ULK4: variants seen among roughly 807,000 people sequenced by gnomAD.
ULK4 encodes inactive serine/threonine-protein kinase ULK4.
In ULK4, 133 loss-of-function variants were observed where a neutral mutation model predicts 160.6. The ratio of observed to expected loss-of-function variants is 0.83; its 90% CI spans 0.72 to 0.96. ULK4 has a LOEUF of 0.96. ULK4 is among the 40% of genes least tolerant of loss of function. ULK4 has a pLI of 0.00. For missense variants in ULK4, 1,580 were observed against 1,499.5 expected (o/e 1.05, Z -0.89); for synonymous variants, 534 against 539.8 (o/e 0.99, Z 0.15).
intron 2 of ULK4, among the ~76,000 whole-genome samples, chr3:41,942,172 AAT>A (rs1699979527): frequency 6.6e-6 from 1 of 152,204 alleles, no homozygotes; most frequent in Admixed American, 6.5e-5. Flanking sequence ...ACAGATGTGA[AAT>A]ACACACAGTA....
At chr3:41,698,220 C>T (rs1412688418) in intron 27 of ULK4, among the ~76,000 whole-genome samples, 1 of 152,174 alleles carries the variant, frequency 6.6e-6, no homozygotes, top group South Asian at 2.1e-4. Context: ...TTAAGCAAGG[C>T]ATGACTGTAT....
intron 32 of ULK4, among the ~76,000 whole-genome samples, chr3:41,529,211 A>C (rs2086219554): frequency 6.6e-6 from 1 of 152,180 alleles, no homozygotes; most frequent in Middle Eastern, 3.2e-3. Context: ...TTTTGGAGGG[A>C]GCATTCTTCC....
chr3:41,548,897 T>C (rs2086964809), intron 32 of ULK4, among the ~76,000 whole-genome samples: 1 of 152,054 alleles, frequency 6.6e-6, no homozygotes, highest in South Asian at 2.1e-4. Context: ...TTAACAACCA[T>C]ATCCTAAGCC....
intron 34 of ULK4, among the ~76,000 whole-genome samples, chr3:41,400,885 G>T (rs542592314): frequency 2.0e-5 from 3 of 152,274 alleles, no homozygotes; most frequent in African/African-American, 7.2e-5. Flanking sequence ...CTGCTAGATA[G>T]ATGGTGGTAT....
chr3:41,954,371 G>GT, intron 2 of ULK4, among the ~76,000 whole-genome samples: 1 of 148,492 alleles, frequency 6.7e-6, no homozygotes, highest in South Asian at 2.1e-4. Flanking sequence ...AAAAAAAAGA[G>GT]TATAGTTTCC....
At chr3:41,405,814 GTTT>G (rs34201902) in intron 34 of ULK4, among the ~76,000 whole-genome samples, 1 of 149,434 alleles carries the variant, frequency 6.7e-6, no homozygotes, top group African/African-American at 2.5e-5. Flanking sequence ...TTTTTAATGA[GTTT>G]TTTTTTTGTT....
chr3:41,776,273 T>G (rs1421646175), intron 21 of ULK4, among the ~76,000 whole-genome samples: 1 of 151,148 alleles, frequency 6.6e-6, no homozygotes, highest in African/African-American at 2.5e-5. Context: ...TATGCCCATT[T>G]TGTCTTAACT....
intron 32 of ULK4, among the ~76,000 whole-genome samples, chr3:41,531,709 G>T (rs1559373082): frequency 6.6e-6 from 1 of 152,038 alleles, no homozygotes; most frequent in Admixed American, 6.6e-5. Flanking sequence ...AACAAATATT[G>T]TTTAAGTAGT....
intron 32 of ULK4, among the ~76,000 whole-genome samples, chr3:41,488,335 G>T (rs1186026436): frequency 2.0e-5 from 3 of 152,112 alleles, no homozygotes; most frequent in Non-Finnish European, 4.4e-5. Context: ...GGAAAAAGTG[G>T]AGACGGTCCA....
intron 21 of ULK4, among the ~76,000 whole-genome samples, chr3:41,767,383 A>T (rs1272453987): frequency 1.3e-5 from 2 of 152,138 alleles, no homozygotes; most frequent in East Asian, 3.8e-4. Context: ...CTTTTTTAAT[A>T]AAAAAATCTA....
intron 32 of ULK4, among the ~76,000 whole-genome samples, chr3:41,485,550 G>C (rs1559639235): frequency 6.6e-6 from 1 of 152,144 alleles, no homozygotes; most frequent in Non-Finnish European, 1.5e-5. Flanking sequence ...CTATACAGCA[G>C]GGCATCTATT....
At chr3:41,462,456 C>T (rs1433696473) in intron 33 of ULK4, among the ~76,000 whole-genome samples, 1 of 152,146 alleles carries the variant, frequency 6.6e-6, no homozygotes, top group Non-Finnish European at 1.5e-5. Flanking sequence ...ATAAAACAGG[C>T]ATAGGAAAGT....
chr3:41,873,010 G>A (rs1395062952), intron 17 of ULK4, among the ~76,000 whole-genome samples: 1 of 152,002 alleles, frequency 6.6e-6, no homozygotes, highest in East Asian at 1.9e-4. Flanking sequence ...AAAATAAGCC[G>A]AGTATGGTGG....
intron 2 of ULK4, among the ~76,000 whole-genome samples, chr3:41,940,649 C>T (rs1699920003): frequency 6.6e-6 from 1 of 151,814 alleles, no homozygotes; most frequent in Non-Finnish European, 1.5e-5. Context: ...ACAGCAAGAC[C>T]CCACCTCCAA....
chr3:41,420,814 TAA>T (rs540329844), intron 34 of ULK4, among the ~76,000 whole-genome samples: 7 of 135,300 alleles, frequency 5.2e-5, no homozygotes, highest in Admixed American at 1.5e-4. Flanking sequence ...TCAGTATTAT[TAA>T]AAAAAAAAAA....
chr3:41,346,638 T>G (rs986949815), intron 35 of ULK4, among the ~76,000 whole-genome samples: 9 of 152,176 alleles, frequency 5.9e-5, no homozygotes, highest in Admixed American at 1.3e-4. Context: ...TAGTTTAATA[T>G]TTTCAAGTTT....
chr3:41,683,035 T>C (rs534275664), intron 27 of ULK4, among the ~76,000 whole-genome samples: 1 of 152,120 alleles, frequency 6.6e-6, no homozygotes, highest in East Asian at 1.9e-4. Context: ...TGAGACAGAG[T>C]AGGAATGAGG....
At chr3:41,773,817 A>T (rs1195956030) in intron 21 of ULK4, among the ~76,000 whole-genome samples, 1 of 152,198 alleles carries the variant, frequency 6.6e-6, no homozygotes, top group Non-Finnish European at 1.5e-5. Flanking sequence ...CCTGACTTCA[A>T]ACTATACTAC....
chr3:41,365,493 G>T (rs2081237921), intron 35 of ULK4, among the ~76,000 whole-genome samples: 1 of 152,176 alleles, frequency 6.6e-6, no homozygotes, highest in Non-Finnish European at 1.5e-5. Context: ...TAAAAATGAT[G>T]ATAATGACAA....
Sources: allele counts gnomAD v4.1 joint callset (sites outside exome capture counted in the v4.1 genomes callset), GRCh38; gene constraint gnomAD v4.1.1; transcripts MANE v1.5; gene names NCBI Gene and HGNC (gene_info 2026-07-23, HGNC 2026-07-21).